RAP1GDS1: variants seen among roughly 807,000 people sequenced by gnomAD.
RAP1GDS1 encodes the protein RAP1, GTP-GDP dissociation stimulator 1.
A neutral mutation model predicts 71.1 loss-of-function variants in RAP1GDS1; 35 were observed. The ratio of observed to expected loss-of-function variants is 0.49; its 90% CI spans 0.38 to 0.65. The LOEUF (loss-of-function observed/expected upper bound fraction) is 0.65, where lower values mean the gene tolerates loss of function less well. Ranked by LOEUF, RAP1GDS1 falls within the 30% of genes least tolerant of loss-of-function variation. The probability of loss-of-function intolerance (pLI) is 0.00; values close to 1 mark genes in which losing one functional copy is unlikely to be tolerated. For synonymous variants in RAP1GDS1, 229 were observed against 243.1 expected (o/e 0.94, Z 0.54); for missense variants, 663 against 706.1 (o/e 0.94, Z 0.69).
At position 98,418,657 on chromosome 4, in the gene RAP1GDS1, A is replaced by C. The variant is rs749720939; in HGVS notation, c.1040A>C (p.Asp347Ala). 6.3e-7 allele frequency: 1 copy of C among 1,581,196 alleles called. No homozygotes were observed. Among genetic ancestry groups the C allele is most frequent in the Non-Finnish European group, 8.5e-7 (1 of 1,169,656 alleles). The change falls in exon 10 of 15, where the codon GAT (aspartate) becomes GCT (alanine). Residue 347 changes from aspartate to alanine, a missense_variant and splice_region_variant. Asp to Ala is a moderately radical substitution (Grantham distance 126). Transcript: ENST00000408927. Reference sequence around the variant, plus strand: ...AAAAGATGTGTGTTTTTTTTTTCAGATGCAAATTGTATTCATATGGTAGAC... The same window carrying C: ...AAAAGATGTGTGTTTTTTTTTTCAGCTGCAAATTGTATTCATATGGTAGAC... ...ALAIANFARNDANCIHMVDNG... is the reference protein window; with the variant it reads ...ALAIANFARNAANCIHMVDNG...
chr4:98,405,107 A>G (rs1191125854), intron 7 of RAP1GDS1, among the ~76,000 whole-genome samples: 3 of 152,222 alleles, frequency 2.0e-5, no homozygotes, highest in Non-Finnish European at 2.9e-5. Context: ...TTAATACATA[A>G]GACAAAACAC....
In RAP1GDS1 at chr4:98,321,644, C is replaced by T. The variant is rs1293614860; in HGVS notation, c.113-21495C>T. Among the ~76,000 whole-genome samples, 3 of 148,450 alleles carry T rather than the reference C, an allele frequency of 2.0e-5. 1 individual carries two copies. Among genetic ancestry groups the T allele is most frequent in the African/African-American group, 7.5e-5 (3 of 40,206 alleles). On this transcript the variant is annotated intron_variant, in intron 2 of 14. Transcript: ENST00000408927. ...ATTCTTAAAGAAAAGAATTTTCAAC[C>T]CAGAATTTCATATCCAGCCAAACTA... is the stretch of plus-strand genomic sequence containing the variant.
chr4:98,276,467 AT>A (rs200237027), intron 1 of RAP1GDS1, among the ~76,000 whole-genome samples: 10 of 148,822 alleles, frequency 6.7e-5, no homozygotes, highest in African/African-American at 2.0e-4. Flanking sequence ...TTAAATGGTG[AT>A]TTTTTTTTAC....
chr4:98,312,215 C>CT (rs1433305583), intron 2 of RAP1GDS1, among the ~76,000 whole-genome samples: 2 of 152,100 alleles, frequency 1.3e-5, no homozygotes, highest in African/African-American at 2.4e-5. Context: ...TCATGAACAC[C>CT]TTAGTAACCC....
intron 2 of RAP1GDS1, among the ~76,000 whole-genome samples, chr4:98,341,654 G>C (rs1323510414): frequency 6.6e-6 from 1 of 151,994 alleles, no homozygotes; most frequent in Non-Finnish European, 1.5e-5. Context: ...GGTAGCAATG[G>C]TCAGAAAAGG....
intron 7 of RAP1GDS1, among the ~76,000 whole-genome samples, chr4:98,413,672 A>G (rs891039274): frequency 1.3e-5 from 2 of 152,052 alleles, no homozygotes; most frequent in South Asian, 2.1e-4. Flanking sequence ...TAATGCCGCA[A>G]TAAACATACA....
chr4:98,363,822 A>G (rs996321673), intron 4 of RAP1GDS1, among the ~76,000 whole-genome samples: 53 of 152,198 alleles, frequency 3.5e-4, no homozygotes, highest in African/African-American at 1.3e-3. Context: ...GTGATTGTCC[A>G]GTCACAACAT....
intron 6 of RAP1GDS1, among the ~76,000 whole-genome samples, chr4:98,398,383 C>G: frequency 6.6e-6 from 1 of 151,898 alleles, no homozygotes; most frequent in East Asian, 1.9e-4. Context: ...AATAAATGTC[C>G]TAAGGAATGA....
intron 2 of RAP1GDS1, among the ~76,000 whole-genome samples, chr4:98,304,181 G>C (rs1003993765): frequency 6.6e-6 from 1 of 152,098 alleles, no homozygotes; most frequent in African/African-American, 2.4e-5. Context: ...CTTTATAATA[G>C]AATGACTTAT....
chr4:98,263,589 T>G (rs537066647), intron 1 of RAP1GDS1, among the ~76,000 whole-genome samples: 1 of 152,342 alleles, frequency 6.6e-6, no homozygotes, highest in South Asian at 2.1e-4. Flanking sequence ...TACCATATAA[T>G]AAAGTTGTTT....
chr4:98,381,250 T>G (rs537181761), intron 5 of RAP1GDS1, among the ~76,000 whole-genome samples: 1 of 151,532 alleles, frequency 6.6e-6, no homozygotes, highest in Non-Finnish European at 1.5e-5. Context: ...TTAAAACTTA[T>G]CGAATAAAAA....
chr4:98,389,820 G>A (rs896733315), intron 5 of RAP1GDS1, among the ~76,000 whole-genome samples: 2 of 152,280 alleles, frequency 1.3e-5, no homozygotes, highest in East Asian at 3.9e-4. Flanking sequence ...AACATGAAGA[G>A]CATTATCTTC....
rs140424972 is a variant in RAP1GDS1, at chr4:98,264,265, G to A, written c.4+2696G>A. ...AAAACAATTAGCCGGGTGTGGTGGC[G>A]GGCGCCTGTAATCCCAGCTGTTTGG... On this transcript the variant is annotated intron_variant, in intron 1 of 14. Transcript: ENST00000408927. Among the ~76,000 whole-genome samples, 9 of 152,084 alleles carry A rather than the reference G, an allele frequency of 5.9e-5. No individual in the cohort carries two copies. The South Asian group carries it at 8.3e-4, about 14-fold the overall frequency.
chr4:98,338,004 C>A (rs1366873737), intron 2 of RAP1GDS1, among the ~76,000 whole-genome samples: 1 of 151,924 alleles, frequency 6.6e-6, no homozygotes, highest in African/African-American at 2.4e-5. Flanking sequence ...ATGAAAGATG[C>A]GGACAGGGCA....
chr4:98,434,199 G>GA, intron 13 of RAP1GDS1, 137 bp downstream of exon 13: 1 of 1,072,756 alleles, frequency 9.3e-7, no homozygotes, highest in South Asian at 1.8e-5. Flanking sequence ...TGAATCTATG[G>GA]AAAATCATTC....
intron 5 of RAP1GDS1, among the ~76,000 whole-genome samples, chr4:98,384,041 C>A (rs940887771): frequency 2.6e-5 from 4 of 151,400 alleles, no homozygotes; most frequent in African/African-American, 9.7e-5. Flanking sequence ...GGAAAAAGAA[C>A]AAAACAATAT....
At chr4:98,263,067 A>G (rs1225467564) in intron 1 of RAP1GDS1, among the ~76,000 whole-genome samples, 1 of 152,206 alleles carries the variant, frequency 6.6e-6, no homozygotes, top group Non-Finnish European at 1.5e-5. Context: ...ATATCAGATT[A>G]TTGGACAAGC....
chr4:98,272,113 A>G (rs1173854330), intron 1 of RAP1GDS1, among the ~76,000 whole-genome samples: 2 of 152,200 alleles, frequency 1.3e-5, no homozygotes, highest in Non-Finnish European at 2.9e-5. Context: ...AAAGGACCAG[A>G]TGATAAATAT....
At chr4:98,292,573 A>G (rs1265609159) in intron 1 of RAP1GDS1, among the ~76,000 whole-genome samples, 5 of 146,810 alleles carry the variant, frequency 3.4e-5, no homozygotes. Flanking sequence ...ATAAAAGAAA[A>G]AAAAAAAACA....
Sources: allele counts gnomAD v4.1 joint callset (sites outside exome capture counted in the v4.1 genomes callset), GRCh38; gene constraint gnomAD v4.1.1; transcripts MANE v1.5; gene names NCBI Gene and HGNC (gene_info 2026-07-23, HGNC 2026-07-21).